Variants in JAK1 observed in about 807,000 individuals in gnomAD.
JAK1 encodes tyrosine-protein kinase JAK1.
Under a neutral mutation model 136.6 loss-of-function variants are expected in JAK1, and 16 were observed. The observed-to-expected ratio is 0.12, with a 90% CI of 0.08 to 0.18. JAK1 has a LOEUF of 0.18. Among genes scored for constraint, JAK1 ranks in the 10% least tolerant of loss-of-function variants. The pLI is 1.00. For missense variants in JAK1, 859 were observed against 1,450.1 expected, an observed-to-expected ratio of 0.59 and a Z score of 6.62; for synonymous variants, 492 against 519.5, an observed-to-expected ratio of 0.95 and a Z score of 0.72.
intron 1 of JAK1, among the ~76,000 whole-genome samples, chr1:64,902,548 T>C (rs890103837): frequency 8.9e-5 from 5 of 55,894 alleles, no homozygotes; most frequent in African/African-American, 3.3e-4. Flanking sequence ...ACTCATGAAT[T>C]TGTGAGAGAG....
chr1:64,855,989 A>G (rs1301710957), intron 10 of JAK1, among the ~76,000 whole-genome samples: 1 of 152,258 alleles, frequency 6.6e-6, no homozygotes, highest in Admixed American at 6.5e-5. Context: ...TTCACCTGTA[A>G]GATAAAGTTC....
At chr1:65,024,601 A>T (rs1441414540) in intron 2 of JAK1, among the ~76,000 whole-genome samples, 3 of 149,710 alleles carry the variant, frequency 2.0e-5, no homozygotes, top group African/African-American at 7.4e-5. Context: ...AACTTGTTGT[A>T]TCACAGAACT....
rs546955999 is a variant in JAK1, at chr1:64,986,868, C to T, written c.-78+57612G>A. ...GCCTGGGTGACAGAGTGAGACACTG[C>T]CCAACAGCCACCCCCCACCCAAAAA... On this transcript the variant is annotated intron_variant, in intron 2 of 25. Coordinates refer to the JAK1 transcript ENST00000671954. Among the ~76,000 whole-genome samples, 8 of 152,136 alleles carry T rather than the reference C, an allele frequency of 5.3e-5. No homozygotes were observed. The East Asian group carries it at 1.5e-3, about 29-fold the overall frequency.
chr1:64,865,661 T>C (rs1656652889), intron 7 of JAK1, among the ~76,000 whole-genome samples: 1 of 152,192 alleles, frequency 6.6e-6, no homozygotes, highest in African/African-American at 2.4e-5. Flanking sequence ...CTAACTAACA[T>C]AGTATAATAC....
chr1:64,873,595 C>T, intron 4 of JAK1, 72 bp from the exon 5 acceptor site: 1 of 1,573,160 alleles, frequency 6.4e-7, no homozygotes, highest in South Asian at 1.1e-5. Flanking sequence ...CCTGGCTCAC[C>T]AACAGTGGTC....
chr1:65,052,515 T>A (rs1441268492), intron 1 of JAK1, among the ~76,000 whole-genome samples: 1 of 151,742 alleles, frequency 6.6e-6, no homozygotes, highest in Non-Finnish European at 1.5e-5. Context: ...CCGCCCCTAC[T>A]AAAAATACAA....
At chr1:64,963,985 A>G (rs889850417) in intron 1 of JAK1, among the ~76,000 whole-genome samples, 2 of 152,172 alleles carry the variant, frequency 1.3e-5, no homozygotes, top group African/African-American at 4.8e-5. Flanking sequence ...AACTGCAAAT[A>G]TCTCATTGGG....
chr1:64,995,591 G>A (rs997527483), intron 2 of JAK1, among the ~76,000 whole-genome samples: 6 of 152,104 alleles, frequency 3.9e-5, no homozygotes, highest in African/African-American at 1.2e-4. Flanking sequence ...TTACATGACT[G>A]TATCAGACAA....
chr1:64,837,608 C>A (rs1297768670), intron 22 of JAK1, among the ~76,000 whole-genome samples: 1 of 152,226 alleles, frequency 6.6e-6, no homozygotes, highest in Non-Finnish European at 1.5e-5. Context: ...ATTCTCTCCA[C>A]CTGCTCACAG....
rs1292311420 is a variant in JAK1 at position 65,055,111 on chromosome 1, AATT to A, written c.-180-10532_-180-10530del. The stretch of plus-strand genomic sequence containing the variant: ...TGCAACTGCCATCATCCATCTCCAG[AATT>A]TTTTCATCTTCCCCAAATACAACTC... On this transcript the variant is annotated intron_variant, in intron 1 of 25. Transcript: ENST00000671954. Among the ~76,000 whole-genome samples the A allele has an allele frequency of 1.3e-4, 20 of 152,178 alleles. No individual in the cohort carries two copies. In the East Asian group the frequency reaches 2.7e-3, roughly 21 times the overall value.
At chr1:64,967,570 C>T (rs937024106), upstream of JAK1, among the ~76,000 whole-genome samples, 3 of 152,156 alleles carry the variant, frequency 2.0e-5, no homozygotes, top group Non-Finnish European at 4.4e-5. Context: ...CAGAGGCTGC[C>T]CCACCTGTGC....
chr1:65,012,909 C>T lies in JAK1; in HGVS notation c.-78+31571G>A, dbSNP rs142334587. On this transcript the variant is annotated intron_variant, in intron 2 of 25. Transcript: ENST00000671954. ...GAGATCAAGACCATCCTGGCTAACA[C>T]GGTGAAACCCCATCTCTACTAAAAA... is the stretch of plus-strand genomic sequence containing the variant. 6.6e-3 allele frequency among the ~76,000 whole-genome samples: 1,004 copies of T among 151,298 alleles called. 8 individuals carry two copies. The highest frequency in any genetic ancestry group is 0.023 in the African/African-American group (960 of 41,200).
intron 1 of JAK1, among the ~76,000 whole-genome samples, chr1:65,064,718 C>A (rs1569981899): frequency 1.3e-5 from 2 of 152,316 alleles, no homozygotes; most frequent in East Asian, 1.9e-4. Context: ...ATGAGCCTCT[C>A]AACTTACATA....
At chr1:65,030,097 A>G (rs1381269459) in intron 2 of JAK1, among the ~76,000 whole-genome samples, 1 of 152,084 alleles carries the variant, frequency 6.6e-6, no homozygotes, top group African/African-American at 2.4e-5. Flanking sequence ...ATGAGGATGG[A>G]GCCCTTGGTG....
At chr1:64,891,871 G>A (rs1644942695) in intron 1 of JAK1, among the ~76,000 whole-genome samples, 1 of 152,224 alleles carries the variant, frequency 6.6e-6, no homozygotes, top group Non-Finnish European at 1.5e-5. Context: ...AGCAATTCCA[G>A]GAATACCCCA....
In JAK1 at chr1:64,984,138, G is replaced by A. The variant is rs4454580; in HGVS notation, c.-78+60342C>T. 0.24 allele frequency among the ~76,000 whole-genome samples: 36,589 copies of A among 152,102 alleles called. 6,248 individuals are homozygous for A. Among genetic ancestry groups the A allele is most frequent in the African/African-American group, 0.47 (19,372 of 41,432 alleles). The stretch of plus-strand genomic sequence containing the variant: ...CATAATATTTATGTAATTAAACCAG[G>A]AGGTAAAAATAAATAAAACTCAAGT... On this transcript the variant is annotated intron_variant, in intron 2 of 25. Transcript: ENST00000671954. The surrounding 1 kb of genome is among the most constrained non-coding windows in gnomAD (Gnocchi z 4.1).
intron 1 of JAK1, among the ~76,000 whole-genome samples, chr1:64,916,178 T>C (rs12563017): frequency 0.14 from 21,121 of 152,090 alleles, 1,641 homozygotes; most frequent in East Asian, 0.28. Flanking sequence ...GACATGGAGA[T>C]AGAAAAAAGC....
intron 2 of JAK1, among the ~76,000 whole-genome samples, chr1:65,026,502 T>TAG (rs1000815988): frequency 6.6e-6 from 1 of 152,170 alleles, no homozygotes; most frequent in African/African-American, 2.4e-5. Flanking sequence ...CCCTGGATTC[T>TAG]AGTTTGTTAG....
intron 1 of JAK1, among the ~76,000 whole-genome samples, chr1:64,954,184 A>C (rs997037264): frequency 6.6e-6 from 1 of 152,192 alleles, no homozygotes; most frequent in African/African-American, 2.4e-5. Context: ...AAGAGTAGAA[A>C]CATGTTTTGT....
Sources: gnomAD v4.1 joint callset for allele counts (sites outside exome capture counted in the v4.1 genomes callset) on GRCh38, gnomAD v4.1.1 for gene constraint, Gnocchi (gnomAD v3.1) non-coding constraint, MANE v1.5 for transcripts, NCBI Gene and HGNC (gene_info 2026-07-23, HGNC 2026-07-21) for gene names.